Variants in DHRS2 observed in about 807,000 individuals in gnomAD.
DHRS2 encodes dehydrogenase/reductase SDR family member 2, mitochondrial.
DHRS2 carries 29 observed loss-of-function variants against 26.3 expected under a neutral mutation model. That is an observed-to-expected ratio of 1.10 (90% CI 0.82 to 1.50). The LOEUF is 1.50. Among genes scored for constraint, DHRS2 ranks in the 40% most tolerant of loss-of-function variants. The pLI is 0.00. For synonymous variants in DHRS2, 164 were observed against 151.3 expected, an observed-to-expected ratio of 1.08 and a Z score of -0.62; for missense variants, 439 against 367.1, an observed-to-expected ratio of 1.20 and a Z score of -1.60.
chr14:23,639,727 T>C (rs897311960), intron 3 of DHRS2, 67 bp from the exon 4 acceptor site: 158 of 1,484,130 alleles, frequency 1.1e-4, no homozygotes, highest in Non-Finnish European at 1.3e-4. Context: ...CCTTATGACC[T>C]GGGCTGCCCT....
At chr14:23,634,933 T>G (rs576855560), upstream of DHRS2, among the ~76,000 whole-genome samples, 1 of 152,350 alleles carries the variant, frequency 6.6e-6, no homozygotes, top group African/African-American at 2.4e-5. Context: ...CTGTGTAAGT[T>G]CTGCCTGCTT....
chr14:23,635,940 A>G (rs118156214), upstream of DHRS2, among the ~76,000 whole-genome samples: 290 of 152,340 alleles, frequency 1.9e-3, 1 homozygote, highest in East Asian at 0.019. Context: ...TAGGTGCCGC[A>G]AAGTCCTGCA....
At position 23,643,091 on chromosome 14, in the gene DHRS2, A is replaced by G. The variant is rs532882262; in HGVS notation, c.421-61A>G. The stretch of plus-strand genomic sequence containing the variant: ...ATTACAGGGCTCCAAGTGTCTTATG[A>G]GAGCAGGACTTGGGCTGACCATGTC... On this transcript the variant is annotated intron_variant, in intron 4 of 8. Transcript: ENST00000250383. The G allele has an allele frequency of 7.7e-6, 12 of 1,555,786 alleles. No homozygotes were observed. The African/African-American group carries it at 1.5e-4, about 19-fold the overall frequency.
In DHRS2 at chr14:23,643,229, G is replaced by A; in HGVS notation, c.488+10G>A. 2 of 1,613,674 alleles carry A rather than the reference G, an allele frequency of 1.2e-6. No homozygotes were observed. The highest frequency in any genetic ancestry group is 8.5e-7 in the Non-Finnish European group (1 of 1,179,914). On this transcript the variant is annotated intron_variant, in intron 5 of 8. Transcript: ENST00000250383. ...CCTACATGGAGAACAGGTATGGCAG[G>A]GCGGGGGTGGGGACCAGTCGGAGTT...
rs376188102 is a variant in DHRS2 at position 23,636,465 on chromosome 14, A to G, written c.-346A>G. On this transcript the variant is annotated 5_prime_UTR_variant, in exon 1 of 9. It removes the in-frame stop codon of an upstream open reading frame in the 5' UTR. Coordinates refer to ENST00000250383, the MANE Select transcript of DHRS2 (RefSeq NM_005794.4). ...CACTCGTTGGGTCCGTGCCACCTTT[A>G]AGAGCTGTAACACTCACCGCGAAGG... 1.3e-5 allele frequency: 2 copies of G among 152,160 alleles called. No homozygotes were observed. The highest frequency in any genetic ancestry group is 2.9e-5 in the Non-Finnish European group (2 of 68,064). The allele number at this position is 152,160 out of a possible 1,614,324, so 9.4% of individuals were successfully genotyped here.
chr14:23,638,732 T>G, intron 1 of DHRS2, 95 bp from the exon 2 acceptor site: 1 of 1,320,884 alleles, frequency 7.6e-7, no homozygotes, highest in Non-Finnish European at 1.0e-6. Flanking sequence ...CCACTTTCTG[T>G]TGCTGGCCTT....
chr14:23,644,561 C>G lies in DHRS2; in HGVS notation c.675+18C>G. Reference sequence around the variant, plus strand: ...GCAAAGTGGTGAGGATTGGGTGTGTCTTCCATCTCCCAGTCTGGCTCAGTG... The same window carrying G: ...GCAAAGTGGTGAGGATTGGGTGTGTGTTCCATCTCCCAGTCTGGCTCAGTG... On this transcript the variant is annotated intron_variant, in intron 7 of 8. Coordinates refer to ENST00000250383, the MANE Select transcript of DHRS2 (RefSeq NM_005794.4). 4 of 1,614,172 alleles carry G rather than the reference C, an allele frequency of 2.5e-6. No homozygotes were observed. Among genetic ancestry groups the G allele is most frequent in the Non-Finnish European group, 3.4e-6 (4 of 1,180,030 alleles).
At chr14:23,640,011 G>A in intron 4 of DHRS2, 116 bp downstream of exon 4, 1 of 950,300 alleles carries the variant, frequency 1.1e-6, no homozygotes, top group Non-Finnish European at 1.4e-6. Flanking sequence ...GGGAGAAGCA[G>A]GCCCTGGGTG....
intron 1 of DHRS2, chr14:23,638,504 G>A (rs997032993): frequency 1.1e-5 from 2 of 190,416 alleles, no homozygotes; most frequent in Non-Finnish European, 1.1e-5. Context: ...GTTTACTAAG[G>A]TGTCCCCGCC....
At position 23,645,246 on chromosome 14, in the gene DHRS2, G is replaced by A. The variant is rs149958507; in HGVS notation, c.836G>A (p.Arg279Gln). Residue 279 changes from arginine to glutamine, a missense_variant, in exon 9 of 9, where the codon CGG (arginine) becomes CAG (glutamine). Arg to Gln is a conservative substitution (Grantham distance 43). Coordinates refer to ENST00000250383, the MANE Select transcript of DHRS2 (RefSeq NM_005794.4). ...ENIAVAGYST[R>Q]L ...ATTGCGGTGGCAGGCTACTCCACTC[G>A]GCTCTGAGAGGAGTGGGGGCGGCTG... 7.4e-4 allele frequency: 1,194 copies of A among 1,614,116 alleles called. 1 individual carries two copies. Among genetic ancestry groups the A allele is most frequent in the Non-Finnish European group, 9.1e-4 (1,079 of 1,180,024 alleles).
At chr14:23,637,226 C>A (rs1234478298) in intron 1 of DHRS2, among the ~76,000 whole-genome samples, 2 of 152,190 alleles carry the variant, frequency 1.3e-5, no homozygotes, top group Non-Finnish European at 2.9e-5. Flanking sequence ...TTCTAAAAAA[C>A]CACTCCCTGT....
chr14:23,644,052 G>T, intron 5 of DHRS2, 59 bp from the exon 6 acceptor site: 3 of 1,524,784 alleles, frequency 2.0e-6, no homozygotes, highest in South Asian at 1.1e-5. Context: ...ACTCATGATA[G>T]TGTCACCATC....
upstream of DHRS2, among the ~76,000 whole-genome samples, chr14:23,631,438 G>A (rs1890115953): frequency 6.6e-6 from 1 of 152,104 alleles, no homozygotes; most frequent in African/African-American, 2.4e-5. Flanking sequence ...GTTGGTTGGG[G>A]AGCTTAGAAT....
chr14:23,640,057 C>A, intron 4 of DHRS2, 162 bp downstream of exon 4: 2 of 709,276 alleles, frequency 2.8e-6, no homozygotes, highest in South Asian at 5.4e-5. Context: ...CCAAAATGTG[C>A]CCGGATGCTA....
In DHRS2 at chr14:23,640,396, A is replaced by T. The variant is rs143061137; in HGVS notation, c.420+501A>T. On this transcript the variant is annotated intron_variant, in intron 4 of 8. Coordinates refer to ENST00000250383, the MANE Select transcript of DHRS2 (RefSeq NM_005794.4). Reference sequence around the variant, plus strand: ...CTTGCCGACAGGACCAGATCCAGCCATCAGCATTCCGGGGGCTTAGACATC... The same window carrying T: ...CTTGCCGACAGGACCAGATCCAGCCTTCAGCATTCCGGGGGCTTAGACATC... The T allele has an allele frequency of 8.1e-6, 8 of 985,516 alleles. No homozygotes were observed. In the South Asian group the frequency reaches 1.9e-4, roughly 23 times the overall value. The allele number at this position is 985,516 out of a possible 1,614,324, so 61.0% of individuals were successfully genotyped here. A position where few individuals can be genotyped will look rare whatever the true frequency, so the allele number is the denominator to read the frequency against.
At position 23,643,153 on chromosome 14, in the gene DHRS2, T is replaced by C. The variant is rs1402153473; in HGVS notation, c.422T>C (p.Ile141Thr). The C allele has an allele frequency of 6.2e-7, 1 of 1,614,068 alleles. No homozygotes were observed. Among genetic ancestry groups the C allele is most frequent in the Non-Finnish European group, 8.5e-7 (1 of 1,179,990 alleles). ...LGTSEQIWDK[I>T]LSVNVKSPAL... ...ACCCATGCTCTGCTCTGATTTCAGATCCTAAGTGTGAACGTGAAGTCCCCA... is the reference window on the plus strand; with the variant it reads ...ACCCATGCTCTGCTCTGATTTCAGACCCTAAGTGTGAACGTGAAGTCCCCA... The change falls in exon 5 of 9, where the codon ATC becomes ACC. Residue 141 changes from isoleucine to threonine, a missense_variant and splice_region_variant. Transcript: ENST00000250383.
chr14:23,645,370 G>A lies in DHRS2; in HGVS notation c.*117G>A, dbSNP rs1890838266. Reference sequence around the variant, plus strand: ...CCATTCTGCCAGACTAGCAATTTGGGGGCTTACTCATGCTAGGCTTGAGGA... The same window carrying A: ...CCATTCTGCCAGACTAGCAATTTGGAGGCTTACTCATGCTAGGCTTGAGGA... On this transcript the variant is annotated 3_prime_UTR_variant, in exon 9 of 9. Coordinates refer to ENST00000250383, the MANE Select transcript of DHRS2 (RefSeq NM_005794.4). The A allele has an allele frequency of 2.5e-6, 4 of 1,587,982 alleles. No homozygotes were observed. Among genetic ancestry groups the A allele is most frequent in the South Asian group, 2.2e-5 (2 of 90,032 alleles).
In DHRS2 at chr14:23,642,063, G is replaced by C. The variant is rs537858752; in HGVS notation, c.421-1089G>C. The stretch of plus-strand genomic sequence containing the variant: ...ACCCACCAGACAGAGCTTCCAGAGT[G>C]TCAGGACATGTGTGACTTAGCCCAG... On this transcript the variant is annotated intron_variant, in intron 4 of 8. Coordinates refer to ENST00000250383, the MANE Select transcript of DHRS2 (RefSeq NM_005794.4). 596 of 1,080,320 alleles carry C rather than the reference G, an allele frequency of 5.5e-4. 9 individuals are homozygous for C. In the South Asian group the frequency reaches 8.7e-3, roughly 16 times the overall value. 66.9% of individuals were successfully genotyped at this position (1,080,320 alleles called of 1,614,324 possible). A position where few individuals can be genotyped will look rare whatever the true frequency, so the allele number is the denominator to read the frequency against.
At chr14:23,635,224 A>C (rs1890240630), upstream of DHRS2, among the ~76,000 whole-genome samples, 1 of 152,036 alleles carries the variant, frequency 6.6e-6, no homozygotes, top group Non-Finnish European at 1.5e-5. Context: ...CACCACACCC[A>C]GCTAATTTTT....
Sources: allele counts gnomAD v4.1 joint callset (sites outside exome capture counted in the v4.1 genomes callset), GRCh38; gene constraint gnomAD v4.1.1; transcripts MANE v1.5; gene names NCBI Gene and HGNC (gene_info 2026-07-23, HGNC 2026-07-21).